NFIB: variants seen among roughly 807,000 people sequenced by gnomAD.
The protein encoded by NFIB is nuclear factor I B, also known as nuclear factor 1 B-type.
NFIB carries 11 observed loss-of-function variants against 61.5 expected under a neutral mutation model. The ratio of observed to expected loss-of-function variants is 0.18; its 90% CI spans 0.11 to 0.30. The LOEUF is 0.30. Among genes scored for constraint, NFIB ranks in the 10% least tolerant of loss-of-function variants. The probability of loss-of-function intolerance (pLI) is 1.00; values close to 1 mark genes in which losing one functional copy is unlikely to be tolerated. For missense variants in NFIB, 471 were observed against 608.9 expected (o/e 0.77, Z 2.38); for synonymous variants, 260 against 216.5 (o/e 1.20, Z -1.76).
At chr9:14,340,244 C>T (rs2093558067) in intron 1 of NFIB, among the ~76,000 whole-genome samples, 1 of 152,174 alleles carries the variant, frequency 6.6e-6, no homozygotes, top group Non-Finnish European at 1.5e-5. Context: ...CCGACTTCAT[C>T]TTTGTGTCTT....
the NFIB span, among the ~76,000 whole-genome samples, chr9:14,471,491 G>A: frequency 1.3e-5 from 2 of 152,144 alleles, no homozygotes; most frequent in African/African-American, 4.8e-5. Flanking sequence ...AGCAACACGT[G>A]GAAAAGAAAG....
At chr9:14,381,714 T>C (rs934712501) in intron 1 of NFIB, among the ~76,000 whole-genome samples, 5 of 152,178 alleles carry the variant, frequency 3.3e-5, no homozygotes, top group African/African-American at 1.2e-4. Flanking sequence ...TTGGGGCAAT[T>C]AAGGCAACAT....
chr9:14,225,797 G>T (rs2052329799), intron 2 of NFIB, among the ~76,000 whole-genome samples: 1 of 152,014 alleles, frequency 6.6e-6, no homozygotes, highest in African/African-American at 2.4e-5. Context: ...CAGAAATACA[G>T]AACAAAATAT....
intron 2 of NFIB, among the ~76,000 whole-genome samples, chr9:14,210,961 T>A (rs1248758246): frequency 6.6e-6 from 1 of 152,192 alleles, no homozygotes; most frequent in East Asian, 1.9e-4. Flanking sequence ...GTCTAATTAA[T>A]AGGTTGAAAC....
intron 10 of NFIB, among the ~76,000 whole-genome samples, chr9:14,107,758 G>A (rs2118946423): frequency 6.6e-6 from 1 of 152,106 alleles, no homozygotes; most frequent in South Asian, 2.1e-4. Context: ...TGTCCCTTAT[G>A]TGCAGTTCAA....
At chr9:14,137,385 T>A (rs558589762) in intron 6 of NFIB, among the ~76,000 whole-genome samples, 1 of 152,262 alleles carries the variant, frequency 6.6e-6, no homozygotes, top group South Asian at 2.1e-4. Context: ...TCAATGAGAG[T>A]GTTTAAAATG....
chr9:14,409,720 G>A, the NFIB span, among the ~76,000 whole-genome samples: 1 of 152,152 alleles, frequency 6.6e-6, no homozygotes, highest in East Asian at 1.9e-4. Flanking sequence ...AGTTGGGAAG[G>A]AGGAAGACAA....
At chr9:14,250,110 G>A (rs565592398) in intron 2 of NFIB, among the ~76,000 whole-genome samples, 4 of 152,290 alleles carry the variant, frequency 2.6e-5, no homozygotes, top group African/African-American at 7.2e-5. Context: ...GCCCTTAACT[G>A]AGCATCTGAA....
At chr9:14,260,288 CA>C (rs1302400788) in intron 2 of NFIB, among the ~76,000 whole-genome samples, 1 of 152,154 alleles carries the variant, frequency 6.6e-6, no homozygotes, top group African/African-American at 2.4e-5. Context: ...ATCTGTAATG[CA>C]GAGGCTGAAT....
intron 2 of NFIB, among the ~76,000 whole-genome samples, chr9:14,257,925 GCAT>G (rs1332195306): frequency 6.6e-6 from 1 of 152,016 alleles, no homozygotes; most frequent in Non-Finnish European, 1.5e-5. Context: ...TTTTCTTAAA[GCAT>G]CATATCAGTA....
chr9:14,120,662 T>G lies in NFIB; in HGVS notation c.1061-38A>C. 1 of 1,544,642 alleles carries G rather than the reference T, an allele frequency of 6.5e-7. No individual in the cohort carries two copies. The highest frequency in any genetic ancestry group is 8.7e-7 in the Non-Finnish European group (1 of 1,146,968). On this transcript the variant is annotated intron_variant, in intron 7 of 10. Transcript: ENST00000380953. This position sits in a 1 kb window ranked among gnomAD's most constrained non-coding sequence, Gnocchi z 4.4. ...GAAAAGGAAAGATTGACTCATCAGC[T>G]GGTTACCTTATTGCTCCATTCTGAT...
rs921771405 is a variant in NFIB at position 14,086,915 on chromosome 9, T to C, written c.*1394A>G. 4.9e-6 allele frequency: 1 copy of C among 203,574 alleles called. No individual in the cohort carries two copies. The highest frequency in any genetic ancestry group is 2.3e-5 in the African/African-American group (1 of 43,616). 12.6% of individuals were successfully genotyped at this position (203,574 alleles called of 1,614,324 possible). A position where few individuals can be genotyped will look rare whatever the true frequency, so the allele number is the denominator to read the frequency against. On this transcript the variant is annotated 3_prime_UTR_variant, in exon 11 of 11. Transcript: ENST00000380953. ...TTTTAAGAGACATAGAGGCAAAATG[T>C]GTCTGCCCATGCACACTATGGATCT...
At chr9:14,202,736 G>T (rs1424661614) in intron 2 of NFIB, among the ~76,000 whole-genome samples, 1 of 152,064 alleles carries the variant, frequency 6.6e-6, no homozygotes, top group Non-Finnish European at 1.5e-5. Flanking sequence ...AAATGGGTAA[G>T]CAAATCTATG....
intron 2 of NFIB, among the ~76,000 whole-genome samples, chr9:14,182,681 C>G (rs1307831976): frequency 1.8e-5 from 1 of 54,966 alleles, no homozygotes; most frequent in Non-Finnish European, 4.7e-5. Context: ...CAACACCCCC[C>G]ACCTCTCTCT....
chr9:14,198,245 TCA>T (rs1435680221), intron 2 of NFIB, among the ~76,000 whole-genome samples: 2 of 152,180 alleles, frequency 1.3e-5, no homozygotes, highest in South Asian at 2.1e-4. Context: ...GGAGCATGAT[TCA>T]CAGTGTGGGC....
chr9:14,450,158 C>T, the NFIB span, among the ~76,000 whole-genome samples: 13 of 151,986 alleles, frequency 8.6e-5, no homozygotes, highest in African/African-American at 2.9e-4. Flanking sequence ...TGTGATGTTC[C>T]GCTCCCTGTG....
At chr9:14,257,875 A>T (rs1237526739) in intron 2 of NFIB, among the ~76,000 whole-genome samples, 1 of 152,202 alleles carries the variant, frequency 6.6e-6, no homozygotes, top group Non-Finnish European at 1.5e-5. Flanking sequence ...ATTTGTTATC[A>T]TGCTAAAGAA....
the NFIB span, among the ~76,000 whole-genome samples, chr9:14,489,123 G>T: frequency 6.6e-6 from 1 of 152,160 alleles, no homozygotes; most frequent in African/African-American, 2.4e-5. Flanking sequence ...GGTACCCTAG[G>T]TAAGTGAGGA....
At chr9:14,305,991 C>T in intron 2 of NFIB, 1 of 1,326,620 alleles carries the variant, frequency 7.5e-7, no homozygotes, top group East Asian at 2.9e-5. Flanking sequence ...TATCTTGATG[C>T]ATTTATTTGA....
Sources: gnomAD v4.1 joint callset for allele counts (sites outside exome capture counted in the v4.1 genomes callset) on GRCh38, gnomAD v4.1.1 for gene constraint, Gnocchi (gnomAD v3.1) non-coding constraint, MANE v1.5 for transcripts, NCBI Gene and HGNC (gene_info 2026-07-23, HGNC 2026-07-21) for gene names.